LUZP1: variants seen among roughly 807,000 people sequenced by gnomAD.
LUZP1 encodes filamin mechanobinding actin cross-linking protein.
LUZP1 carries 25 observed loss-of-function variants against 71.3 expected under a neutral mutation model. The observed-to-expected ratio is 0.35, with a 90% confidence interval of 0.26 to 0.49. LUZP1 has a LOEUF of 0.49. Among genes scored for constraint, LUZP1 ranks in the 20% least tolerant of loss-of-function variants. The probability of loss-of-function intolerance (pLI) is 0.99; values close to 1 mark genes in which losing one functional copy is unlikely to be tolerated. For missense variants in LUZP1, 1,142 were observed against 1,300.8 expected (o/e 0.88, Z 1.88); for synonymous variants, 481 against 506.4 (o/e 0.95, Z 0.67).
Position 23,093,715 on chromosome 1 carries a change from A to C in LUZP1, c.547T>G (p.Leu183Val). ...AGAGTTAATGATTTCAGCTTTTCTA[A>C]CTCTGACGCTAAACTCTGCTCAGTT... Residue 183 changes from leucine to valine, a missense_variant, in exon 4 of 5, where the codon TTA (leucine) becomes GTA (valine). Coordinates refer to ENST00000302291, the Ensembl canonical transcript of LUZP1. The surrounding 1 kb of genome is among the most constrained non-coding windows in gnomAD (Gnocchi z 4.2). 6.2e-7 allele frequency: 1 copy of C among 1,613,408 alleles called. No homozygotes were observed. Among genetic ancestry groups the C allele is most frequent in the Non-Finnish European group, 8.5e-7 (1 of 1,179,946 alleles).
At chr1:23,089,568 T>G (rs992084123) in intron 4 of LUZP1, among the ~76,000 whole-genome samples, 1 of 151,520 alleles carries the variant, frequency 6.6e-6, no homozygotes, top group African/African-American at 2.4e-5. Context: ...GGGGCCCAAA[T>G]AGCTGTCTTT....
intron 2 of LUZP1, among the ~76,000 whole-genome samples, chr1:23,134,258 A>T (rs1644236599): frequency 6.6e-6 from 1 of 152,148 alleles, no homozygotes; most frequent in Non-Finnish European, 1.5e-5. Context: ...AGTCAGGAGG[A>T]TCACTTGAGC....
chr1:23,114,951 T>C (rs897549443), intron 2 of LUZP1, among the ~76,000 whole-genome samples: 1 of 152,214 alleles, frequency 6.6e-6, no homozygotes, highest in Non-Finnish European at 1.5e-5. Context: ...ATGAATGACA[T>C]CCTTAACCAT....
chr1:23,146,325 T>A (rs1644342721), intron 2 of LUZP1, among the ~76,000 whole-genome samples: 1 of 152,228 alleles, frequency 6.6e-6, no homozygotes, highest in East Asian at 1.9e-4. Flanking sequence ...CCATGCACCA[T>A]TATCTTTATG....
At chr1:23,155,120 T>C (rs1461038152) in intron 2 of LUZP1, among the ~76,000 whole-genome samples, 1 of 152,192 alleles carries the variant, frequency 6.6e-6, no homozygotes, top group Admixed American at 6.6e-5. Context: ...GCAAGAAGCA[T>C]AAAAACTGGT....
exon 5 of LUZP1, chr1:23,087,605 T>C (rs1039362411): frequency 1.3e-5 from 2 of 152,636 alleles, no homozygotes; most frequent in African/African-American, 2.4e-5. Context: ...AAGGTAGCCT[T>C]TGAAAGAGGA....
chr1:23,167,882 G>C (rs1428588882), intron 2 of LUZP1, among the ~76,000 whole-genome samples: 5 of 151,992 alleles, frequency 3.3e-5, no homozygotes, highest in Admixed American at 2.6e-4. Context: ...TTCCCTGCCC[G>C]GGCGGCTGGG....
At chr1:23,170,933 A>G (rs1297625292) in intron 1 of LUZP1, among the ~76,000 whole-genome samples, 2 of 151,766 alleles carry the variant, frequency 1.3e-5, no homozygotes, top group African/African-American at 2.4e-5. Context: ...TTTACAAAAA[A>G]TACTAAAAAT....
chr1:23,090,576 G>T, intron 4 of LUZP1: 1 of 460,790 alleles, frequency 2.2e-6, no homozygotes, highest in East Asian at 3.6e-5. Context: ...GAGCTATACT[G>T]AACCAGCCCT....
intron 1 of LUZP1, among the ~76,000 whole-genome samples, chr1:23,171,404 G>A (rs142586645): frequency 7.6e-4 from 116 of 152,340 alleles, no homozygotes; most frequent in Middle Eastern, 6.8e-3. Flanking sequence ...CCAAGCTGGG[G>A]TCAGCGTGTA....
At position 23,163,733 on chromosome 1, in the gene LUZP1, T is replaced by C. The variant is rs141805153; in HGVS notation, c.-226+5033A>G. On this transcript the variant is annotated intron_variant, in intron 2 of 4. Transcript: ENST00000302291. ...TGTCATGTTGTGGCTCATATTTTAA[T>C]ATGGTATTTTCAAGCTCTTCCCTTG... Among the ~76,000 whole-genome samples, 284 of 152,168 alleles carry C rather than the reference T, an allele frequency of 1.9e-3. 5 individuals carry two copies. The highest frequency in any genetic ancestry group is 6.4e-3 in the African/African-American group (264 of 41,514).
chr1:23,131,847 A>T (rs1644218144), intron 2 of LUZP1, among the ~76,000 whole-genome samples: 1 of 152,004 alleles, frequency 6.6e-6, no homozygotes, highest in African/African-American at 2.4e-5. Context: ...CATCACACCC[A>T]GCTAATTTTT....
At chr1:23,097,498 G>A (rs1355992422) in intron 3 of LUZP1, among the ~76,000 whole-genome samples, 1 of 152,126 alleles carries the variant, frequency 6.6e-6, no homozygotes, top group African/African-American at 2.4e-5. Flanking sequence ...AATTCTGGCC[G>A]TATGAAGGCA....
At chr1:23,141,634 G>A (rs1303242085) in intron 2 of LUZP1, among the ~76,000 whole-genome samples, 1 of 152,164 alleles carries the variant, frequency 6.6e-6, no homozygotes, top group African/African-American at 2.4e-5. Context: ...GGCCAAGCAG[G>A]GAGATCTCAT....
chr1:23,108,025 G>A (rs978908103), intron 3 of LUZP1, among the ~76,000 whole-genome samples: 5 of 152,058 alleles, frequency 3.3e-5, no homozygotes, highest in African/African-American at 1.2e-4. Flanking sequence ...ACTTTCCTAG[G>A]GAAGCTTTCT....
intron 2 of LUZP1, among the ~76,000 whole-genome samples, chr1:23,127,263 C>T (rs182340660): frequency 6.8e-4 from 103 of 152,286 alleles, no homozygotes; most frequent in African/African-American, 2.4e-3. Flanking sequence ...AGGCACTTAG[C>T]AATTTGCAAC....
chr1:23,141,217 G>A (rs1432618014), intron 2 of LUZP1: 1 of 152,344 alleles, frequency 6.6e-6, no homozygotes, highest in Non-Finnish European at 1.5e-5. Context: ...GTGGGGGAAA[G>A]GAGGAAGGCT....
In LUZP1 at chr1:23,103,599, G is replaced by A. The variant is rs1407339371; in HGVS notation, c.-120+5423C>T. Among the ~76,000 whole-genome samples the A allele has an allele frequency of 2.0e-5, 3 of 151,654 alleles. No homozygotes were observed. The East Asian group carries it at 5.8e-4, about 29-fold the overall frequency. On this transcript the variant is annotated intron_variant, in intron 3 of 4. Transcript: ENST00000302291. ...AGACAACTCACTCCATCTTTGGACAGCTCTAAGGTAAGATACCCTACTTAT... is the reference window on the plus strand; with the variant it reads ...AGACAACTCACTCCATCTTTGGACAACTCTAAGGTAAGATACCCTACTTAT...
At chr1:23,138,390 T>C (rs1349577634) in intron 2 of LUZP1, among the ~76,000 whole-genome samples, 2 of 151,940 alleles carry the variant, frequency 1.3e-5, no homozygotes, top group Non-Finnish European at 2.9e-5. Context: ...ATGAAAGAAG[T>C]CAGATACAAA....
Sources: gnomAD v4.1 joint callset for allele counts (sites outside exome capture counted in the v4.1 genomes callset) on GRCh38, gnomAD v4.1.1 for gene constraint, Gnocchi (gnomAD v3.1) non-coding constraint, MANE v1.5 for transcripts, NCBI Gene and HGNC (gene_info 2026-07-23, HGNC 2026-07-21) for gene names.